CLMP: variants seen among roughly 807,000 people sequenced by gnomAD.
CLMP encodes the protein CXADR-like membrane protein.
CLMP carries 27 observed loss-of-function variants against 45.2 expected under a neutral mutation model. That is an observed-to-expected ratio of 0.60 (90% CI 0.44 to 0.82). The LOEUF is 0.82. CLMP is among the 40% of genes least tolerant of loss of function. The pLI is 0.00. For missense variants in CLMP, 403 were observed against 448.4 expected (o/e 0.90, Z 0.91); for synonymous variants, 167 against 171.4 (o/e 0.97, Z 0.20).
intron 2 of CLMP, among the ~76,000 whole-genome samples, chr11:123,093,280 A>C (rs1865954515): frequency 6.6e-6 from 1 of 152,158 alleles, no homozygotes; most frequent in Non-Finnish European, 1.5e-5. Flanking sequence ...TTAATGAAGA[A>C]AAAAGGGATA....
chr11:123,144,957 G>T (rs537190208), intron 1 of CLMP, among the ~76,000 whole-genome samples: 7 of 152,228 alleles, frequency 4.6e-5, no homozygotes, highest in African/African-American at 1.7e-4. Flanking sequence ...GCCACTACAT[G>T]TGGCAATGGA....
chr11:123,174,134 T>A (rs1344534934), intron 1 of CLMP, among the ~76,000 whole-genome samples: 1 of 152,148 alleles, frequency 6.6e-6, no homozygotes, highest in Non-Finnish European at 1.5e-5. Context: ...GCTTAGAAAT[T>A]TAAACTTCTT....
chr11:123,105,479 G>T (rs1860530805), intron 1 of CLMP, among the ~76,000 whole-genome samples: 2 of 150,692 alleles, frequency 1.3e-5, no homozygotes, highest in Non-Finnish European at 2.9e-5. Flanking sequence ...CGCCCAGGCT[G>T]GAGTGCAGTG....
chr11:123,142,976 T>C (rs1485510174), intron 1 of CLMP, among the ~76,000 whole-genome samples: 1 of 152,154 alleles, frequency 6.6e-6, no homozygotes, highest in Non-Finnish European at 1.5e-5. Flanking sequence ...GAGCCCATGA[T>C]TTCTTCTTGC....
In CLMP at chr11:123,073,193, A is replaced by T; in HGVS notation, c.*281T>A. 3.2e-6 allele frequency: 1 copy of T among 316,822 alleles called. No individual in the cohort carries two copies. 19.6% of individuals were successfully genotyped at this position (316,822 alleles called of 1,614,324 possible). A position where few individuals can be genotyped will look rare whatever the true frequency, so the allele number is the denominator to read the frequency against. On this transcript the variant is annotated 3_prime_UTR_variant, in exon 7 of 7. Transcript: ENST00000448775. ...CACCTCACCTTTCCCCAACCTTCTCACCACAGGTCCTGGTCAACAAATAGA... is the reference window on the plus strand; with the variant it reads ...CACCTCACCTTTCCCCAACCTTCTCTCCACAGGTCCTGGTCAACAAATAGA...
intron 1 of CLMP, among the ~76,000 whole-genome samples, chr11:123,167,309 G>A (rs550293393): frequency 7.0e-4 from 106 of 152,096 alleles, no homozygotes; most frequent in Non-Finnish European, 1.1e-3. Flanking sequence ...CTTTTGAGAC[G>A]GAGTTTCACT....
intron 1 of CLMP, among the ~76,000 whole-genome samples, chr11:123,160,304 A>AAAAT (rs33974682): frequency 1.3e-5 from 2 of 149,776 alleles, no homozygotes; most frequent in African/African-American, 4.9e-5. Flanking sequence ...AAAAAAAAAA[A>AAAAT]GGAAAGTAAA....
intron 1 of CLMP, among the ~76,000 whole-genome samples, chr11:123,135,389 T>A (rs2135512162): frequency 6.6e-6 from 1 of 152,036 alleles, no homozygotes; most frequent in Non-Finnish European, 1.5e-5. Context: ...TGTACATGTA[T>A]ATATGGTCAA....
intron 1 of CLMP, among the ~76,000 whole-genome samples, chr11:123,102,242 T>G (rs1345664300): frequency 6.6e-6 from 1 of 150,438 alleles, no homozygotes; most frequent in Non-Finnish European, 1.5e-5. Flanking sequence ...AACACTATTG[T>G]AGAACCTAAG....
At chr11:123,108,927 C>T (rs1055674031) in intron 1 of CLMP, among the ~76,000 whole-genome samples, 4 of 151,798 alleles carry the variant, frequency 2.6e-5, no homozygotes, top group African/African-American at 7.3e-5. Flanking sequence ...GTTGTGATGG[C>T]GCATGCCTAT....
chr11:123,092,467 T>C (rs1428001958), intron 2 of CLMP, among the ~76,000 whole-genome samples: 1 of 151,844 alleles, frequency 6.6e-6, no homozygotes, highest in Non-Finnish European at 1.5e-5. Flanking sequence ...CCGGCTAATT[T>C]TTGTATTTTT....
At position 123,110,453 on chromosome 11, in the gene CLMP, GA is replaced by G. The variant is rs386375126; in HGVS notation, c.29-12502del. Among the ~76,000 whole-genome samples the G allele has an allele frequency of 4.3e-3, 570 of 133,030 alleles. 3 individuals carry two copies. Among genetic ancestry groups the G allele is most frequent in the East Asian group, 0.014 (62 of 4,562 alleles). 87.3% of individuals were successfully genotyped at this position (133,030 alleles called of 152,430 possible). On this transcript the variant is annotated intron_variant, in intron 1 of 6. Coordinates refer to ENST00000448775, the MANE Select transcript of CLMP (RefSeq NM_024769.5). ...TGGGTGACAGAGCGAGACTCCGTCA[GA>G]AAAAAAAAAAAAAAATTAGCCAGGT...
chr11:123,138,269 T>C (rs149883460), intron 1 of CLMP, among the ~76,000 whole-genome samples: 131 of 152,188 alleles, frequency 8.6e-4, no homozygotes, highest in African/African-American at 3.1e-3. Context: ...ATAAAACACA[T>C]GGAAACACTG....
chr11:123,090,600 T>A (rs1299804670), intron 2 of CLMP, among the ~76,000 whole-genome samples: 1 of 151,984 alleles, frequency 6.6e-6, no homozygotes, highest in East Asian at 1.9e-4. Flanking sequence ...CTTCATAGGG[T>A]TTTTGTGGGA....
At chr11:123,092,026 C>T (rs1295534737) in intron 2 of CLMP, among the ~76,000 whole-genome samples, 1 of 152,088 alleles carries the variant, frequency 6.6e-6, no homozygotes, top group African/African-American at 2.4e-5. Flanking sequence ...TTTGATTACA[C>T]AGTTTTTTCT....
rs908518951 is a variant in CLMP, at chr11:123,141,951, A to G, written c.29-43999T>C. Among the ~76,000 whole-genome samples, 24 of 151,170 alleles carry G rather than the reference A, an allele frequency of 1.6e-4. 1 individual carries two copies. Among genetic ancestry groups the G allele is most frequent in the South Asian group, 2.1e-4 (1 of 4,770 alleles). On this transcript the variant is annotated intron_variant, in intron 1 of 6. Coordinates refer to ENST00000448775, the MANE Select transcript of CLMP (RefSeq NM_024769.5). ...GCTACAATCTCTGGTAGAGCCAGAG[A>G]GAATTAAATTGAGCTAACCAAAATC...
intron 1 of CLMP, among the ~76,000 whole-genome samples, chr11:123,177,211 C>G (rs1164652539): frequency 6.6e-6 from 1 of 152,182 alleles, no homozygotes; most frequent in Non-Finnish European, 1.5e-5. Flanking sequence ...ATTCAGAGCC[C>G]TTCCCTCAAA....
intron 1 of CLMP, among the ~76,000 whole-genome samples, chr11:123,176,025 T>C (rs895804984): frequency 2.0e-4 from 30 of 152,348 alleles, no homozygotes; most frequent in African/African-American, 7.0e-4. Flanking sequence ...AGAAAAAATA[T>C]AGATGATGTA....
chr11:123,154,798 C>T (rs1861389710), intron 1 of CLMP, among the ~76,000 whole-genome samples: 1 of 152,190 alleles, frequency 6.6e-6, no homozygotes, highest in African/African-American at 2.4e-5. Context: ...CAGATTTTCA[C>T]TCGCTGATCA....
Sources: gnomAD v4.1 joint callset for allele counts (sites outside exome capture counted in the v4.1 genomes callset) on GRCh38, gnomAD v4.1.1 for gene constraint, MANE v1.5 for transcripts, NCBI Gene and HGNC (gene_info 2026-07-23, HGNC 2026-07-21) for gene names.